TEC: variants seen among roughly 807,000 people sequenced by gnomAD.
TEC encodes the protein tyrosine-protein kinase Tec.
A neutral mutation model predicts 93.0 loss-of-function variants in TEC; 72 were observed. The observed-to-expected ratio is 0.77, with a 90% CI of 0.64 to 0.94. The LOEUF (loss-of-function observed/expected upper bound fraction) is 0.94, where lower values mean the gene tolerates loss of function less well. TEC is among the 40% of genes least tolerant of loss of function. The pLI is 0.00. For synonymous variants in TEC, 249 were observed against 247.7 expected (o/e 1.01, Z -0.05); for missense variants, 630 against 757.9 (o/e 0.83, Z 1.98).
chr4:48,201,337 G>T (rs1472441262), intron 2 of TEC, among the ~76,000 whole-genome samples: 2 of 152,150 alleles, frequency 1.3e-5, no homozygotes, highest in Non-Finnish European at 2.9e-5. Context: ...CCTCAGAATA[G>T]ATATCAGGCT....
At chr4:48,183,219 T>C (rs1457279837) in intron 2 of TEC, among the ~76,000 whole-genome samples, 1 of 152,238 alleles carries the variant, frequency 6.6e-6, no homozygotes, top group Non-Finnish European at 1.5e-5. Flanking sequence ...CTTCAGTTCC[T>C]TTCTCCGTAG....
chr4:48,150,591 C>CT (rs1419671053), intron 10 of TEC, among the ~76,000 whole-genome samples: 1 of 152,134 alleles, frequency 6.6e-6, no homozygotes, highest in Non-Finnish European at 1.5e-5. Context: ...TATTTTTATC[C>CT]TTAGTGACCA....
chr4:48,169,343 A>G (rs1721008612), intron 5 of TEC, among the ~76,000 whole-genome samples: 1 of 152,096 alleles, frequency 6.6e-6, no homozygotes, highest in Non-Finnish European at 1.5e-5. Flanking sequence ...AGCAGGTCAG[A>G]CTGTGCATTC....
At chr4:48,143,520 GCC>G (rs1719771163) in intron 14 of TEC, among the ~76,000 whole-genome samples, 1 of 152,062 alleles carries the variant, frequency 6.6e-6, no homozygotes, top group South Asian at 2.1e-4. Flanking sequence ...AAAGCCCATT[GCC>G]CCAGTCAAAT....
intron 1 of TEC, among the ~76,000 whole-genome samples, chr4:48,268,505 T>A (rs955045421): frequency 6.6e-6 from 1 of 152,244 alleles, no homozygotes; most frequent in African/African-American, 2.4e-5. Flanking sequence ...TAAAAAATAC[T>A]TTCAAATACA....
At chr4:48,182,456 T>G (rs1721629691) in intron 2 of TEC, among the ~76,000 whole-genome samples, 1 of 151,938 alleles carries the variant, frequency 6.6e-6, no homozygotes. Flanking sequence ...TCTGCCGAGC[T>G]AAGAAGACCA....
intron 2 of TEC, among the ~76,000 whole-genome samples, chr4:48,212,723 C>G (rs1722953181): frequency 6.6e-6 from 1 of 152,176 alleles, no homozygotes; most frequent in Admixed American, 6.5e-5. Context: ...TTGAGAGTCC[C>G]GTGGGCAAGT....
chr4:48,155,925 A>G (rs973556995), intron 9 of TEC: 13 of 152,236 alleles, frequency 8.5e-5, no homozygotes, highest in African/African-American at 2.4e-4. Context: ...ACTTACAGCA[A>G]TTGAGTAAAG....
At position 48,150,843 on chromosome 4, in the gene TEC, A is replaced by G. The variant is rs772832366; in HGVS notation, c.872+20T>C. ...ATACAAAAACTCTAAATTATAAAAAAAAATGGCAGGATTACTCACCCTCCA... is the reference window on the plus strand; with the variant it reads ...ATACAAAAACTCTAAATTATAAAAAGAAATGGCAGGATTACTCACCCTCCA... On this transcript the variant is annotated intron_variant, in intron 10 of 17. Transcript: ENST00000381501. The G allele has an allele frequency of 5.4e-6, 8 of 1,490,304 alleles. No homozygotes were observed. In the South Asian group the frequency reaches 1.0e-4, roughly 19 times the overall value. 92.3% of individuals were successfully genotyped at this position (1,490,304 alleles called of 1,614,324 possible). A position where few individuals can be genotyped will look rare whatever the true frequency, so the allele number is the denominator to read the frequency against.
chr4:48,160,689 T>G (rs2109531072), intron 8 of TEC, among the ~76,000 whole-genome samples: 1 of 138,808 alleles, frequency 7.2e-6, no homozygotes, highest in South Asian at 2.3e-4. Context: ...ATTGCACCAC[T>G]GCACTCCAGC....
intron 8 of TEC, among the ~76,000 whole-genome samples, chr4:48,162,067 C>T (rs1383014820): frequency 1.3e-5 from 2 of 152,106 alleles, no homozygotes; most frequent in Admixed American, 6.6e-5. Flanking sequence ...TAGTTCTGTC[C>T]CTCTAGAGAA....
rs181266558 is a variant in TEC at position 48,226,594 on chromosome 4, T to G, written c.138+1883A>C. On this transcript the variant is annotated intron_variant, in intron 2 of 17. Transcript: ENST00000381501. ...AATATTTTCTTTTGTCTAGCTTACT[T>G]TATTGTAAGAATACAGTATGTTATA... Among the ~76,000 whole-genome samples, 509 of 151,622 alleles carry G rather than the reference T, an allele frequency of 3.4e-3. 7 individuals carry two copies. Among genetic ancestry groups the G allele is most frequent in the African/African-American group, 0.01 (430 of 41,498 alleles).
At chr4:48,262,259 C>T (rs549415082) in intron 1 of TEC, among the ~76,000 whole-genome samples, 191 of 122,522 alleles carry the variant, frequency 1.6e-3, no homozygotes, top group Non-Finnish European at 2.7e-3. Context: ...TGCAGTGGTG[C>T]GATCTCAGCT....
intron 2 of TEC, among the ~76,000 whole-genome samples, chr4:48,216,210 G>T (rs1452123276): frequency 2.0e-5 from 3 of 149,452 alleles, no homozygotes; most frequent in African/African-American, 4.9e-5. Flanking sequence ...TCTCACCCTT[G>T]GCCAAGTGGC....
intron 1 of TEC, among the ~76,000 whole-genome samples, chr4:48,255,884 T>C (rs62311477): frequency 0.08 from 12,249 of 152,186 alleles, 649 homozygotes; most frequent in South Asian, 0.18. Context: ...GATCTGTGAC[T>C]CCATGAAAGA....
intron 1 of TEC, among the ~76,000 whole-genome samples, chr4:48,243,631 A>G (rs1723976804): frequency 6.6e-6 from 1 of 152,238 alleles, no homozygotes; most frequent in Non-Finnish European, 1.5e-5. Flanking sequence ...CTCATACCCT[A>G]GTAAAAGGGA....
chr4:48,237,912 G>A (rs1021261393), intron 1 of TEC, among the ~76,000 whole-genome samples: 6 of 152,128 alleles, frequency 3.9e-5, no homozygotes, highest in Admixed American at 3.9e-4. Context: ...ACATCAAACC[G>A]ACCTTAATCT....
At chr4:48,200,690 A>T (rs1021408023) in intron 2 of TEC, among the ~76,000 whole-genome samples, 22 of 152,230 alleles carry the variant, frequency 1.4e-4, no homozygotes, top group African/African-American at 5.1e-4. Context: ...TATTGGCAGA[A>T]GTCTTGTATG....
At chr4:48,155,368 A>C (rs1720355786) in intron 9 of TEC, among the ~76,000 whole-genome samples, 1 of 152,150 alleles carries the variant, frequency 6.6e-6, no homozygotes, top group Admixed American at 6.5e-5. Flanking sequence ...GGTAGGGACA[A>C]ATTTTCTACT....
Sources: gnomAD v4.1 joint callset for allele counts (sites outside exome capture counted in the v4.1 genomes callset) on GRCh38, gnomAD v4.1.1 for gene constraint, MANE v1.5 for transcripts, NCBI Gene and HGNC (gene_info 2026-07-23, HGNC 2026-07-21) for gene names.